Variants in TMEM30A observed in about 807,000 individuals in gnomAD.
TMEM30A encodes cell division cycle 50 P4-ATPase accessory subunit A.
A neutral mutation model predicts 38.2 loss-of-function variants in TMEM30A; 24 were observed. The observed-to-expected ratio is 0.63, with a 90% CI of 0.46 to 0.88. The LOEUF (loss-of-function observed/expected upper bound fraction) is 0.88, where lower values mean the gene tolerates loss of function less well. TMEM30A is among the 40% of genes least tolerant of loss of function. The pLI is 0.00. For synonymous variants in TMEM30A, 145 were observed against 161.6 expected, an observed-to-expected ratio of 0.90 and a Z score of 0.78; for missense variants, 370 against 458.6, an observed-to-expected ratio of 0.81 and a Z score of 1.77.
At chr6:75,274,746 G>A (rs904146475) in intron 1 of TMEM30A, among the ~76,000 whole-genome samples, 5 of 151,642 alleles carry the variant, frequency 3.3e-5, no homozygotes, top group African/African-American at 4.9e-5. Flanking sequence ...TTCTCAGGCC[G>A]GGCGCGGTGG....
chr6:75,275,078 A>G (rs752924214), intron 1 of TMEM30A, among the ~76,000 whole-genome samples: 3 of 151,020 alleles, frequency 2.0e-5, no homozygotes, highest in Non-Finnish European at 4.4e-5. Flanking sequence ...AACATTTGGC[A>G]TGTTGTTTAC....
intron 3 of TMEM30A, among the ~76,000 whole-genome samples, chr6:75,263,278 T>A (rs1053600414): frequency 1.3e-5 from 2 of 152,160 alleles, no homozygotes; most frequent in Non-Finnish European, 2.9e-5. Context: ...GGGAGGATGA[T>A]ATGTGATGAG....
At position 75,265,714 on chromosome 6, in the gene TMEM30A, AC is replaced by A. The variant is rs1391405548; in HGVS notation, c.346-377del. On this transcript the variant is annotated intron_variant, in intron 2 of 6. Transcript: ENST00000230461. Reference sequence around the variant, plus strand: ...GACTTTTCACAGGGATAATGGTCAAACTTGTTTCTTTTTTTTTTCTCCCAGA... The same window carrying A: ...GACTTTTCACAGGGATAATGGTCAAATTGTTTCTTTTTTTTTTCTCCCAGA... Among the ~76,000 whole-genome samples, 5 of 63,146 alleles carry A rather than the reference AC, an allele frequency of 7.9e-5. No homozygotes were observed. In the Admixed American group the frequency reaches 9.6e-4, roughly 12 times the overall value. The allele number at this position is 63,146 out of a possible 152,430, so 41.4% of individuals were successfully genotyped here.
chr6:75,273,202 A>ATTGTC (rs1772204515), intron 1 of TMEM30A, among the ~76,000 whole-genome samples: 3 of 152,230 alleles, frequency 2.0e-5, no homozygotes, highest in Admixed American at 1.3e-4. Context: ...GCTGACAATA[A>ATTGTC]AGCCTCAGCA....
rs1301257290 is a variant in TMEM30A at position 75,267,687 on chromosome 6, G to C, written c.299C>G (p.Thr100Arg). ...PCNKCLSPDV[T>R]PCFCTINFTL... ...GAAGTTAATGGTACAAAAGCAAGGT[G>C]TCACATCCGGAGATAAACATTTATT... The change falls in exon 2 of 7, where the codon ACA (threonine) becomes AGA (arginine). Residue 100 changes from threonine to arginine, a missense_variant. Transcript: ENST00000230461. 2 of 1,611,652 alleles carry C rather than the reference G, an allele frequency of 1.2e-6. No individual in the cohort carries two copies. Among genetic ancestry groups the C allele is most frequent in the African/African-American group, 2.7e-5 (2 of 74,870 alleles).
intron 1 of TMEM30A, among the ~76,000 whole-genome samples, chr6:75,273,913 A>G (rs1156454494): frequency 6.6e-6 from 1 of 152,234 alleles, no homozygotes; most frequent in Non-Finnish European, 1.5e-5. Flanking sequence ...TCATTCACTC[A>G]TTCAAACCTG....
intron 4 of TMEM30A, among the ~76,000 whole-genome samples, chr6:75,260,309 G>C (rs1204636876): frequency 1.3e-5 from 2 of 152,058 alleles, no homozygotes; most frequent in Non-Finnish European, 2.9e-5. Context: ...GGGAAGCTGA[G>C]GCAAGAGAAA....
chr6:75,265,102 G>GA (rs551960414), intron 3 of TMEM30A, 129 bp downstream of exon 3: 2 of 564,680 alleles, frequency 3.5e-6, no homozygotes, highest in Non-Finnish European at 5.7e-6. Context: ...ATCTCGGGGG[G>GA]AAAAAAATCC....
chr6:75,267,588 AT>A (rs1308627792), intron 2 of TMEM30A, 52 bp downstream of exon 2: 16 of 1,259,612 alleles, frequency 1.3e-5, no homozygotes, highest in Non-Finnish European at 1.7e-5. Flanking sequence ...TTAGTACAGT[AT>A]CAGTATTTTT....
At chr6:75,272,438 CCTT>C (rs1772188919) in intron 1 of TMEM30A, 1 of 152,226 alleles carries the variant, frequency 6.6e-6, no homozygotes, top group Admixed American at 6.5e-5. Flanking sequence ...AACTTCCTCT[CCTT>C]CTTTGTTCTC....
rs755549735 is a variant in TMEM30A, at chr6:75,259,441, G to A, written c.591C>T (p.Ile197=). ...LIGNDSYPIP[I]ALKKKGIAWW... is the part of the protein sequence containing the mutation. ...AAGCAATACCTTTCTTTTTCAAAGC[G>A]ATAGGTATAGGATAAGAATCATTGC... Residue 197 remains isoleucine (I), a synonymous_variant, in exon 5 of 7, where the codon ATC becomes ATT. Coordinates refer to ENST00000230461, the MANE Select transcript of TMEM30A (RefSeq NM_018247.4). The A allele has an allele frequency of 7.7e-5, 124 of 1,612,874 alleles. No individual in the cohort carries two copies. Among genetic ancestry groups the A allele is most frequent in the Non-Finnish European group, 9.4e-5 (111 of 1,179,394 alleles).
intron 5 of TMEM30A, 93 bp from the exon 6 acceptor site, chr6:75,259,079 G>C: frequency 9.2e-7 from 1 of 1,082,284 alleles, no homozygotes; most frequent in Admixed American, 2.7e-5. Flanking sequence ...AATAAATAGG[G>C]GTTTATTCAA....
Position 75,258,769 on chromosome 6 carries a change from A to G in TMEM30A, c.892+11T>C, listed in dbSNP as rs558978106. Reference sequence around the variant, plus strand: ...CTCTATGAATCTGTATACCCAGCCAAAAAAGGATACTGTATGTGACATTCA... The same window carrying G: ...CTCTATGAATCTGTATACCCAGCCAGAAAAGGATACTGTATGTGACATTCA... On this transcript the variant is annotated intron_variant, in intron 6 of 6. Coordinates refer to ENST00000230461, the MANE Select transcript of TMEM30A (RefSeq NM_018247.4). 5.0e-6 allele frequency: 8 copies of G among 1,613,078 alleles called. No individual in the cohort carries two copies. The highest frequency in any genetic ancestry group is 6.8e-6 in the Non-Finnish European group (8 of 1,179,322).
chr6:75,273,856 ACT>A (rs1237671798), intron 1 of TMEM30A, among the ~76,000 whole-genome samples: 2 of 152,064 alleles, frequency 1.3e-5, no homozygotes, highest in Admixed American at 1.3e-4. Context: ...TGACCAAAAA[ACT>A]CTCAACAAAC....
intron 3 of TMEM30A, among the ~76,000 whole-genome samples, chr6:75,263,562 T>C (rs1454634383): frequency 1.3e-5 from 2 of 152,154 alleles, no homozygotes; most frequent in East Asian, 3.9e-4. Flanking sequence ...TTAGAAAAAA[T>C]AGCAGGCCTT....
intron 1 of TMEM30A, among the ~76,000 whole-genome samples, chr6:75,276,987 T>TG: frequency 6.6e-6 from 1 of 151,918 alleles, no homozygotes; most frequent in Non-Finnish European, 1.5e-5. Context: ...TTCCCTCTTT[T>TG]GGTTCTTTAT....
intron 1 of TMEM30A, among the ~76,000 whole-genome samples, chr6:75,278,843 C>A (rs931849893): frequency 1.3e-5 from 2 of 152,122 alleles, no homozygotes; most frequent in African/African-American, 2.4e-5. Context: ...TGATTTCCTG[C>A]CACTAGATCG....
chr6:75,258,702 T>C lies in TMEM30A; in HGVS notation c.892+78A>G, dbSNP rs566827076. ...ACCAAAACTAAAGCACAAGGTAACA[T>C]GCCACATAACAGATATAAGGTTGGA... is the stretch of plus-strand genomic sequence containing the variant. On this transcript the variant is annotated intron_variant, in intron 6 of 6. Coordinates refer to ENST00000230461, the MANE Select transcript of TMEM30A (RefSeq NM_018247.4). 8.5e-5 allele frequency: 109 copies of C among 1,277,400 alleles called. No individual in the cohort carries two copies. In the African/African-American group the frequency reaches 1.3e-3, roughly 15 times the overall value. The allele number at this position is 1,277,400 out of a possible 1,614,324, so 79.1% of individuals were successfully genotyped here.
At chr6:75,277,352 T>TA (rs1772280241) in intron 1 of TMEM30A, among the ~76,000 whole-genome samples, 1 of 150,900 alleles carries the variant, frequency 6.6e-6, no homozygotes, top group Non-Finnish European at 1.5e-5. Context: ...TTACCCTTGT[T>TA]AAGTGTCACT....
Sources: gnomAD v4.1 joint callset for allele counts (sites outside exome capture counted in the v4.1 genomes callset) on GRCh38, gnomAD v4.1.1 for gene constraint, MANE v1.5 for transcripts, NCBI Gene and HGNC (gene_info 2026-07-23, HGNC 2026-07-21) for gene names.